The following IGFBP6 variants were observed in gnomAD, a reference collection of about 807,000 sequenced individuals.
IGFBP6 encodes the protein insulin like growth factor binding protein 6.
In IGFBP6, 24 loss-of-function variants were observed where a neutral mutation model predicts 24.5. The observed-to-expected ratio is 0.98, with a 90% CI of 0.71 to 1.38. IGFBP6 has a LOEUF of 1.38. Among genes scored for constraint, IGFBP6 ranks in the 40% most tolerant of loss-of-function variants. IGFBP6 has a pLI of 0.00. For missense variants in IGFBP6, 331 were observed against 324.8 expected (o/e 1.02, Z -0.15); for synonymous variants, 147 against 137.4 (o/e 1.07, Z -0.49).
At position 53,100,845 on chromosome 12, in the gene IGFBP6, AG is replaced by A; in HGVS notation, c.469del (p.Asp157ThrfsTer89). The A allele has an allele frequency of 1.2e-6, 2 of 1,614,154 alleles. No homozygotes were observed. Among genetic ancestry groups the A allele is most frequent in the Non-Finnish European group, 1.7e-6 (2 of 1,180,038 alleles). On this transcript the variant is annotated frameshift_variant, in exon 2 of 4. Coordinates refer to ENST00000301464, the MANE Select transcript of IGFBP6 (RefSeq NM_002178.3). LOFTEE classifies it high-confidence loss of function. ...CCCAGCCCAATTCTGCGGGTGTCCA[AG>A]ACACTGAGATGGTGCGTTTGGAGCT... ...PSQPNSAGVQ[D>X]TEMGPCRRHL...
At chr12:53,099,025 AGGAGAAGGTCT>A (rs936678266) in intron 1 of IGFBP6, 4 of 211,392 alleles carry the variant, frequency 1.9e-5, no homozygotes, top group African/African-American at 7.0e-5. Flanking sequence ...TAGGGAATGA[AGGAGAAGGTCT>A]GGGGAGGGGT....
chr12:53,101,852 TCATGC>T (rs1161490401), intron 3 of IGFBP6, among the ~76,000 whole-genome samples, 188 bp from the exon 4 acceptor site: 1 of 123,628 alleles, frequency 8.1e-6, no homozygotes, highest in East Asian at 2.7e-4. Context: ...TGAGCAGAGA[TCATGC>T]CAATGCATTC....
At chr12:53,099,950 C>A (rs753338821) in intron 1 of IGFBP6, among the ~76,000 whole-genome samples, 6 of 152,022 alleles carry the variant, frequency 3.9e-5, no homozygotes, top group African/African-American at 1.4e-4. Flanking sequence ...CCTCCGCCCC[C>A]CCGAGTTCAA....
rs1347520956 is a variant in IGFBP6, at chr12:53,097,888, C to T, written c.171C>T (p.Cys57=). The change falls in exon 1 of 4, where the codon TGC becomes TGT. Residue 57 remains cysteine, a synonymous_variant. Coordinates refer to ENST00000301464, the MANE Select transcript of IGFBP6 (RefSeq NM_002178.3). ...EEDGGSPAEG[C]AEAEGCLRRE... Reference sequence around the variant, plus strand: ...ATGGGGGGTCGCCAGCCGAGGGCTGCGCGGAAGCTGAGGGCTGTCTCAGGA... The same window carrying T: ...ATGGGGGGTCGCCAGCCGAGGGCTGTGCGGAAGCTGAGGGCTGTCTCAGGA... 6.6e-7 allele frequency: 1 copy of T among 1,516,648 alleles called. No homozygotes were observed. Among genetic ancestry groups the T allele is most frequent in the Admixed American group, 2.1e-5 (1 of 48,680 alleles). 93.9% of individuals were successfully genotyped at this position (1,516,648 alleles called of 1,614,324 possible). A position where few individuals can be genotyped will look rare whatever the true frequency, so the allele number is the denominator to read the frequency against.
intron 1 of IGFBP6, among the ~76,000 whole-genome samples, chr12:53,098,604 G>A (rs1424623768): frequency 6.6e-6 from 1 of 152,208 alleles, no homozygotes; most frequent in Non-Finnish European, 1.5e-5. Flanking sequence ...TATTAGACTT[G>A]AGTAGGGACT....
Position 53,100,737 on chromosome 12 carries a change from T to C in IGFBP6, c.360T>C (p.Ser120=), listed in dbSNP as rs1555163942. Residue 120 remains serine (S), a synonymous_variant, in exon 2 of 4, where the codon AGT becomes AGC. Transcript: ENST00000301464. ...PAVAEENPKE[S]KPQAGTARPQ... ...TTGCAGAGGAGAATCCTAAGGAGAG[T>C]AAACCCCAAGCAGGCACTGCCCGCC... 2.5e-6 allele frequency: 4 copies of C among 1,613,726 alleles called. No homozygotes were observed. Among genetic ancestry groups the C allele is most frequent in the Non-Finnish European group, 3.4e-6 (4 of 1,179,954 alleles).
chr12:53,098,879 G>A (rs1002474814), intron 1 of IGFBP6: 1 of 152,832 alleles, frequency 6.5e-6, no homozygotes, highest in East Asian at 1.9e-4. Flanking sequence ...TTCCTTCCAC[G>A]GGAGGGGATG....
At position 53,101,221 on chromosome 12, in the gene IGFBP6, G is replaced by A. The variant is rs112837962; in HGVS notation, c.600+61G>A. The stretch of plus-strand genomic sequence containing the variant: ...AAGGCTCCTGCCAGGGAGTGGGGGC[G>A]GTGCTGCTTACAAAGCTGCATAAAT... On this transcript the variant is annotated intron_variant, in intron 3 of 3. Coordinates refer to ENST00000301464, the MANE Select transcript of IGFBP6 (RefSeq NM_002178.3). The A allele has an allele frequency of 5.3e-5, 84 of 1,574,292 alleles. 2 individuals carry two copies. Among genetic ancestry groups the A allele is most frequent in the African/African-American group, 4.3e-4 (32 of 74,188 alleles).
At chr12:53,099,297 T>C (rs946040546) in intron 1 of IGFBP6, 5 of 455,660 alleles carry the variant, frequency 1.1e-5, no homozygotes, top group African/African-American at 1.0e-4. Context: ...CTCCGGAAAC[T>C]TTCTCCAGAG....
intron 1 of IGFBP6, 25 bp downstream of exon 1, chr12:53,098,076 C>T: frequency 7.1e-7 from 1 of 1,407,580 alleles, no homozygotes; most frequent in Admixed American, 3.3e-5. Flanking sequence ...CGCCCCTGCC[C>T]CGCCCACGTG....
chr12:53,101,521 G>A lies in IGFBP6; in HGVS notation c.600+361G>A, dbSNP rs530035540. Among the ~76,000 whole-genome samples the A allele has an allele frequency of 3.1e-4, 47 of 152,248 alleles. 1 individual carries two copies. The highest frequency in any genetic ancestry group is 3.4e-3 in the Middle Eastern group (1 of 294). On this transcript the variant is annotated intron_variant, in intron 3 of 3. Coordinates refer to ENST00000301464, the MANE Select transcript of IGFBP6 (RefSeq NM_002178.3). ...TTTCTAACATGTTCCCTCGTGATCC[G>A]GATTTGGGAACGTCACTTTGAAAAC...
chr12:53,099,033 G>T, intron 1 of IGFBP6: 1 of 230,492 alleles, frequency 4.3e-6, no homozygotes, highest in South Asian at 3.9e-5. Context: ...GAAGGAGAAG[G>T]TCTGGGGAGG....
intron 3 of IGFBP6, 63 bp downstream of exon 3, chr12:53,101,223 T>G (rs1592273055): frequency 6.4e-7 from 1 of 1,570,580 alleles, no homozygotes; most frequent in Admixed American, 1.7e-5. Context: ...GTGGGGGCGG[T>G]GCTGCTTACA....
At chr12:53,099,663 C>T (rs772513436) in intron 1 of IGFBP6, among the ~76,000 whole-genome samples, 49 of 152,132 alleles carry the variant, frequency 3.2e-4, no homozygotes, top group Non-Finnish European at 6.3e-4. Flanking sequence ...ACCCAAAGCC[C>T]AAAGCCCCAA....
Position 53,102,064 on chromosome 12 carries a change from A to G in IGFBP6, c.620A>G (p.Gln207Arg). ...RKRQCRSSQGQRRGPCWCVDR... is the reference protein window; with the variant it reads ...RKRQCRSSQGRRRGPCWCVDR... ...CTCCAGTGCCGCTCCTCCCAGGGGC[A>G]GCGCCGAGGTCCCTGCTGGTGTGTG... The change falls in exon 4 of 4, where the codon CAG (glutamine) becomes CGG (arginine). Residue 207 changes from glutamine to arginine, a missense_variant. Physicochemically the swap from Gln to Arg is conservative, Grantham distance 43. Coordinates refer to ENST00000301464, the MANE Select transcript of IGFBP6 (RefSeq NM_002178.3). 1 of 1,613,840 alleles carries G rather than the reference A, an allele frequency of 6.2e-7. No individual in the cohort carries two copies. Among genetic ancestry groups the G allele is most frequent in the Non-Finnish European group, 8.5e-7 (1 of 1,179,998 alleles).
At position 53,102,282 on chromosome 12, in the gene IGFBP6, C is replaced by A; in HGVS notation, c.*115C>A. The A allele has an allele frequency of 8.2e-7, 1 of 1,215,136 alleles. No homozygotes were observed. The highest frequency in any genetic ancestry group is 1.1e-6 in the Non-Finnish European group (1 of 875,840). The allele number at this position is 1,215,136 out of a possible 1,614,324, so 75.3% of individuals were successfully genotyped here. On this transcript the variant is annotated 3_prime_UTR_variant, in exon 4 of 4. Transcript: ENST00000301464. ...AGGCCCCGCCCCATGGGCCCCTCAC[C>A]GCTGGTTGGAAAGAGTGTTGGTGTT...
rs1348041239 is a variant in IGFBP6, at chr12:53,097,733, C to G, written c.16C>G (p.Leu6Val). 2 of 1,545,294 alleles carry G rather than the reference C, an allele frequency of 1.3e-6. No homozygotes were observed. Among genetic ancestry groups the G allele is most frequent in the South Asian group, 2.4e-5 (2 of 84,018 alleles). Residue 6 changes from leucine (L) to valine (V), a missense_variant, in exon 1 of 4, where the codon CTG becomes GTG. Leu to Val is a conservative substitution (Grantham distance 32, BLOSUM62 1). Coordinates refer to ENST00000301464, the MANE Select transcript of IGFBP6 (RefSeq NM_002178.3). ...AACCCTGACCATGACCCCCCACAGGCTGCTGCCACCGCTGCTGCTGCTGCT... is the reference window on the plus strand; with the variant it reads ...AACCCTGACCATGACCCCCCACAGGGTGCTGCCACCGCTGCTGCTGCTGCT... MTPHRLLPPLLLLLAL... is the reference protein window; with the variant it reads MTPHRVLPPLLLLLAL...
At chr12:53,100,152 G>A (rs532935039) in intron 1 of IGFBP6, among the ~76,000 whole-genome samples, 72 of 151,980 alleles carry the variant, frequency 4.7e-4, no homozygotes, top group Non-Finnish European at 5.6e-4. Context: ...GAGCCACTGC[G>A]CCCAGCCAAT....
chr12:53,102,000 G>A (rs369894301), intron 3 of IGFBP6, 45 bp from the exon 4 acceptor site: 2 of 1,581,612 alleles, frequency 1.3e-6, no homozygotes, highest in African/African-American at 1.4e-5. Context: ...TTCTCCTGCT[G>A]GAAGCCTCTG....
Sources: gnomAD v4.1 joint callset for allele counts (sites outside exome capture counted in the v4.1 genomes callset) on GRCh38, gnomAD v4.1.1 for gene constraint, MANE v1.5 for transcripts, NCBI Gene and HGNC (gene_info 2026-07-23, HGNC 2026-07-21) for gene names.